Variants in ENPP6 observed in about 807,000 individuals in gnomAD.
The protein encoded by ENPP6 is ectonucleotide pyrophosphatase/phosphodiesterase 6, also known as glycerophosphocholine cholinephosphodiesterase ENPP6.
A neutral mutation model predicts 42.0 loss-of-function variants in ENPP6; 32 were observed. The ratio of observed to expected loss-of-function variants is 0.76; its 90% CI spans 0.58 to 1.02. The LOEUF (loss-of-function observed/expected upper bound fraction) is 1.02. Among genes scored for constraint, ENPP6 ranks in the 50% least tolerant of loss-of-function variants. The pLI, the probability that ENPP6 is intolerant of heterozygous loss-of-function variation, is 0.00. For synonymous variants in ENPP6, 213 were observed against 216.0 expected (o/e 0.99, Z 0.12); for missense variants, 552 against 566.8 (o/e 0.97, Z 0.27).
intron 6 of ENPP6, among the ~76,000 whole-genome samples, chr4:184,103,845 C>T (rs1477829837): frequency 6.6e-6 from 1 of 152,120 alleles, no homozygotes; most frequent in African/African-American, 2.4e-5. Context: ...GCTCAGGCCT[C>T]GGCCTGCTGG....
At chr4:184,130,914 C>T (rs1051095137) in intron 2 of ENPP6, among the ~76,000 whole-genome samples, 36 of 152,158 alleles carry the variant, frequency 2.4e-4, no homozygotes, top group Non-Finnish European at 4.3e-4. Context: ...ATTTATCTAT[C>T]CTAAAGTTGT....
At chr4:184,214,592 C>A (rs980119827) in intron 1 of ENPP6, among the ~76,000 whole-genome samples, 38 of 152,106 alleles carry the variant, frequency 2.5e-4, no homozygotes, top group Non-Finnish European at 8.8e-5. Context: ...AAATGCCCAT[C>A]AATGATAGAC....
intron 1 of ENPP6, among the ~76,000 whole-genome samples, chr4:184,157,444 T>TTTC (rs1370359348): frequency 2.0e-5 from 3 of 149,246 alleles, no homozygotes; most frequent in African/African-American, 7.4e-5. Flanking sequence ...TCTTTCTTTC[T>TTTC]TTTCTTTCTC....
chr4:184,117,932 G>A (rs778846976), intron 3 of ENPP6, 32 bp from the exon 4 acceptor site: 10 of 1,607,616 alleles, frequency 6.2e-6, no homozygotes, highest in Non-Finnish European at 8.5e-6. Context: ...GCATAGGTGA[G>A]GGAGGCCCCC....
chr4:184,091,686 T>A (rs1735804868), intron 7 of ENPP6, among the ~76,000 whole-genome samples: 1 of 152,086 alleles, frequency 6.6e-6, no homozygotes, highest in East Asian at 1.9e-4. Context: ...GAGGGAGGAT[T>A]GCCTGAGCCC....
At chr4:184,143,101 C>CCTCCTT (rs1407219285) in intron 2 of ENPP6, among the ~76,000 whole-genome samples, 1 of 152,252 alleles carries the variant, frequency 6.6e-6, no homozygotes, top group Admixed American at 6.5e-5. Context: ...CTGACCAAAG[C>CCTCCTT]CTCCTTCTCC....
chr4:184,195,124 A>AT (rs1339469956), intron 1 of ENPP6, among the ~76,000 whole-genome samples: 4 of 152,108 alleles, frequency 2.6e-5, no homozygotes, highest in South Asian at 2.1e-4. Context: ...TTGTATATTG[A>AT]TTTTTTGTAA....
At chr4:184,181,988 A>G (rs988923851) in intron 1 of ENPP6, among the ~76,000 whole-genome samples, 4 of 152,328 alleles carry the variant, frequency 2.6e-5, no homozygotes, top group Admixed American at 2.0e-4. Flanking sequence ...AGCAATTGCA[A>G]CAAATGCAAA....
intron 1 of ENPP6, among the ~76,000 whole-genome samples, chr4:184,160,972 T>G (rs1737248751): frequency 1.3e-5 from 2 of 152,080 alleles, no homozygotes; most frequent in Non-Finnish European, 2.9e-5. Flanking sequence ...AACTTCCAAC[T>G]GAACATTAGA....
chr4:184,214,851 G>A (rs2111127841), intron 1 of ENPP6, among the ~76,000 whole-genome samples: 1 of 152,306 alleles, frequency 6.6e-6, no homozygotes, highest in East Asian at 1.9e-4. Flanking sequence ...GGCACAGGGA[G>A]GGAGAGCATT....
intron 6 of ENPP6, among the ~76,000 whole-genome samples, chr4:184,099,430 G>A (rs548629223): frequency 2.0e-5 from 3 of 152,312 alleles, no homozygotes; most frequent in South Asian, 4.1e-4. Flanking sequence ...ACCTTGCAGG[G>A]TCTGTGGGGG....
At chr4:184,141,245 C>T (rs542551330) in intron 2 of ENPP6, among the ~76,000 whole-genome samples, 5 of 152,288 alleles carry the variant, frequency 3.3e-5, no homozygotes, top group African/African-American at 1.2e-4. Context: ...GGGCCCCTCT[C>T]CTGTATCTCC....
At chr4:184,133,051 T>A (rs985995896) in intron 2 of ENPP6, among the ~76,000 whole-genome samples, 6 of 152,208 alleles carry the variant, frequency 3.9e-5, no homozygotes, top group African/African-American at 1.4e-4. Context: ...TTAAAGTAGG[T>A]CTGTATCTAT....
intron 1 of ENPP6, 92 bp downstream of exon 1, chr4:184,217,487 G>C: frequency 6.6e-7 from 1 of 1,520,206 alleles, no homozygotes. Flanking sequence ...AGAATCCAGA[G>C]CATTTAAATA....
intron 5 of ENPP6, among the ~76,000 whole-genome samples, 166 bp downstream of exon 5, chr4:184,116,690 G>A (rs190202000): frequency 7.2e-5 from 11 of 152,206 alleles, no homozygotes; most frequent in South Asian, 2.1e-4. Context: ...CCGAGATCGC[G>A]CCATTGCACT....
chr4:184,127,044 C>A (rs925027222), intron 2 of ENPP6, among the ~76,000 whole-genome samples: 1 of 152,026 alleles, frequency 6.6e-6, no homozygotes, highest in Non-Finnish European at 1.5e-5. Flanking sequence ...GCACAATTGT[C>A]AGTGAGAAAG....
intron 1 of ENPP6, among the ~76,000 whole-genome samples, chr4:184,173,155 T>A (rs1238212966): frequency 6.6e-6 from 1 of 152,100 alleles, no homozygotes; most frequent in Non-Finnish European, 1.5e-5. Context: ...TCCACCCCCC[T>A]CAGCCTCCCA....
At chr4:184,102,413 G>A (rs1736020508) in intron 6 of ENPP6, among the ~76,000 whole-genome samples, 1 of 152,160 alleles carries the variant, frequency 6.6e-6, no homozygotes, top group South Asian at 2.1e-4. Flanking sequence ...AAACTCTAGG[G>A]GCATTTACTT....
chr4:184,215,540 T>C (rs73011508), intron 1 of ENPP6, among the ~76,000 whole-genome samples: 1,751 of 152,260 alleles, frequency 0.012, 34 homozygotes, highest in African/African-American at 0.04. Flanking sequence ...GCCTGCGAAT[T>C]CTGCTTCAAG....
Sources: gnomAD v4.1 joint callset for allele counts (sites outside exome capture counted in the v4.1 genomes callset) on GRCh38, gnomAD v4.1.1 for gene constraint, MANE v1.5 for transcripts, NCBI Gene and HGNC (gene_info 2026-07-23, HGNC 2026-07-21) for gene names.